PLEKHA5: variants seen among roughly 807,000 people sequenced by gnomAD.
PLEKHA5 encodes pleckstrin homology domain containing A5, also known as pleckstrin homology domain-containing family A member 5.
A neutral mutation model predicts 181.9 loss-of-function variants in PLEKHA5; 55 were observed. The observed-to-expected ratio is 0.30, with a 90% CI of 0.24 to 0.38. The LOEUF is 0.38. PLEKHA5 is among the 10% of genes least tolerant of loss of function. The pLI, the probability that PLEKHA5 is intolerant of heterozygous loss-of-function variation, is 1.00. For missense variants in PLEKHA5, 1,432 were observed against 1,549.5 expected, an observed-to-expected ratio of 0.92 and a Z score of 1.27; for synonymous variants, 535 against 529.4, an observed-to-expected ratio of 1.01 and a Z score of -0.15.
chr12:19,179,411 C>T (rs992291291), intron 3 of PLEKHA5, among the ~76,000 whole-genome samples: 2 of 152,102 alleles, frequency 1.3e-5, no homozygotes, highest in Non-Finnish European at 2.9e-5. Context: ...AATCCCAGCA[C>T]TTTGGGAGGC....
At chr12:19,161,516 G>A (rs541036593) in intron 3 of PLEKHA5, among the ~76,000 whole-genome samples, 2 of 152,000 alleles carry the variant, frequency 1.3e-5, no homozygotes, top group East Asian at 1.9e-4. Flanking sequence ...CCCCATCTCC[G>A]TGTCTCCACC....
In PLEKHA5 at chr12:19,314,836, T is replaced by G; in HGVS notation, c.2060T>G (p.Ile687Ser). 6.5e-7 allele frequency: 1 copy of G among 1,545,412 alleles called. No individual in the cohort carries two copies. ...TAGATGAAAGAAAATGAACCTATTATCACCATGGTTCACACAATGATTGAG... is the reference window on the plus strand; with the variant it reads ...TAGATGAAAGAAAATGAACCTATTAGCACCATGGTTCACACAATGATTGAG... ...DHQMKENEPI[I>S]TMVHTMIENS... is the part of the protein sequence containing the mutation. The change falls in exon 16 of 32, where the codon ATC becomes AGC. Residue 687 changes from isoleucine (I) to serine (S), a missense_variant. Around this residue, in one of 2 missense-constraint regions of PLEKHA5, gnomAD observed 1,143 missense variants for 1,168.4 expected, o/e 0.98. Transcript: ENST00000429027.
chr12:19,286,458 A>G (rs1262043303), intron 12 of PLEKHA5, among the ~76,000 whole-genome samples: 11 of 152,086 alleles, frequency 7.2e-5, no homozygotes, highest in Non-Finnish European at 1.5e-4. Flanking sequence ...TTTTCCAACT[A>G]TATATATTGA....
intron 30 of PLEKHA5, among the ~76,000 whole-genome samples, chr12:19,366,737 A>G (rs933816302): frequency 6.6e-6 from 1 of 152,162 alleles, no homozygotes; most frequent in African/African-American, 2.4e-5. Context: ...AGCCTGCCAC[A>G]TTGGGAACTG....
intron 3 of PLEKHA5, among the ~76,000 whole-genome samples, chr12:19,192,485 G>A (rs1347307064): frequency 1.3e-5 from 2 of 152,116 alleles, no homozygotes; most frequent in Non-Finnish European, 2.9e-5. Context: ...ATCACTTGAA[G>A]TCAGGAGTTC....
intron 3 of PLEKHA5, among the ~76,000 whole-genome samples, chr12:19,164,228 T>G (rs2043739322): frequency 7.2e-6 from 1 of 137,968 alleles, no homozygotes. Context: ...AGATGGAGTC[T>G]CTCTCTGTTG....
In PLEKHA5 at chr12:19,129,772, A is replaced by AGGC. The variant is rs746584375; in HGVS notation, c.-15_-13dup. The AGGC allele has an allele frequency of 2.6e-5, 39 of 1,528,150 alleles. No homozygotes were observed. The highest frequency in any genetic ancestry group is 9.9e-5 in the East Asian group (4 of 40,590). The allele number at this position is 1,528,150 out of a possible 1,614,324, so 94.7% of individuals were successfully genotyped here. A position where few individuals can be genotyped will look rare whatever the true frequency, so the allele number is the denominator to read the frequency against. On this transcript the variant is annotated 5_prime_UTR_variant, in exon 1 of 32. Transcript: ENST00000429027. ...CGGCAGCCGCGGCGGCAGCAGGAGA[A>AGGC]GGCGGCGGCGGCGGCTAGGGATCAG...
chr12:19,201,375 G>C (rs1005615458), intron 3 of PLEKHA5: 5 of 152,012 alleles, frequency 3.3e-5, no homozygotes, highest in African/African-American at 1.2e-4. Context: ...CTCAAACTCT[G>C]TTACACTAGT....
chr12:19,154,615 T>C (rs900171887), intron 3 of PLEKHA5: 20 of 152,244 alleles, frequency 1.3e-4, no homozygotes, highest in African/African-American at 4.8e-4. Flanking sequence ...TCATCTCTTA[T>C]TAGTGAGAAT....
intron 3 of PLEKHA5, among the ~76,000 whole-genome samples, chr12:19,181,979 TC>T (rs2048711648): frequency 1.3e-5 from 2 of 152,324 alleles, no homozygotes; most frequent in South Asian, 4.1e-4. Context: ...TGCTACATAG[TC>T]CTTGCTCTCA....
chr12:19,301,008 G>A (rs1233563632), intron 15 of PLEKHA5, among the ~76,000 whole-genome samples: 1 of 151,422 alleles, frequency 6.6e-6, no homozygotes. Context: ...AAATTAGCCT[G>A]GTGTGGTGGC....
At chr12:19,334,868 A>ATATATATATG (rs1279488392) in intron 20 of PLEKHA5, among the ~76,000 whole-genome samples, 1 of 52,496 alleles carries the variant, frequency 1.9e-5, no homozygotes, top group Non-Finnish European at 4.5e-5. Flanking sequence ...ATATATATAT[A>ATATATATATG]TCTCTGTATA....
rs140123762 is a variant in PLEKHA5, at chr12:19,232,407, T to G, written c.228-21533T>G. 5.9e-5 allele frequency among the ~76,000 whole-genome samples: 9 copies of G among 152,262 alleles called. No homozygotes were observed. The East Asian group carries it at 1.7e-3, about 29-fold the overall frequency. On this transcript the variant is annotated intron_variant, in intron 3 of 31. Coordinates refer to ENST00000429027, the MANE Select transcript of PLEKHA5 (RefSeq NM_001256470.2). ...TTCAGAAGGAGGAACTTGTGGCTACTAATCTCGTACAAGAAGTGGAAAGAA... is the reference window on the plus strand; with the variant it reads ...TTCAGAAGGAGGAACTTGTGGCTACGAATCTCGTACAAGAAGTGGAAAGAA...
intron 3 of PLEKHA5, among the ~76,000 whole-genome samples, chr12:19,250,150 A>G (rs764158517): frequency 5.9e-5 from 9 of 152,190 alleles, no homozygotes; most frequent in African/African-American, 1.2e-4. Flanking sequence ...GTCTAGACCT[A>G]TATATTAAAA....
intron 13 of PLEKHA5, among the ~76,000 whole-genome samples, chr12:19,289,999 A>G (rs761932077): frequency 2.0e-5 from 3 of 151,954 alleles, no homozygotes; most frequent in East Asian, 1.9e-4. Flanking sequence ...TTGGAATGCA[A>G]TGGCGTGATC....
chr12:19,370,877 G>A (rs2153321335), intron 31 of PLEKHA5: 1 of 151,788 alleles, frequency 6.6e-6, no homozygotes, highest in Non-Finnish European at 1.5e-5. Flanking sequence ...TTCTTATAGA[G>A]ACAGTCTTAC....
intron 11 of PLEKHA5, among the ~76,000 whole-genome samples, chr12:19,277,927 T>C (rs1485281254): frequency 1.3e-5 from 2 of 152,200 alleles, no homozygotes; most frequent in East Asian, 3.9e-4. Context: ...GAAAGGGCTT[T>C]TATGGTGCTT....
At chr12:19,346,895 T>C (rs1447708988) in intron 23 of PLEKHA5, 99 bp from the exon 24 acceptor site, 1 of 788,614 alleles carries the variant, frequency 1.3e-6, no homozygotes, top group Non-Finnish European at 1.9e-6. Flanking sequence ...CCTTTTAGTA[T>C]CTTAAAGTAA....
At chr12:19,304,335 G>A (rs1366822179) in intron 15 of PLEKHA5, among the ~76,000 whole-genome samples, 2 of 152,204 alleles carry the variant, frequency 1.3e-5, no homozygotes, top group African/African-American at 4.8e-5. Context: ...AACCAGGGAG[G>A]TGGAGGTTGC....
Sources: gnomAD v4.1 joint callset for allele counts (sites outside exome capture counted in the v4.1 genomes callset) on GRCh38, gnomAD v4.1.1 for gene constraint, gnomAD v4.1.1 regional missense constraint, MANE v1.5 for transcripts, NCBI Gene and HGNC (gene_info 2026-07-23, HGNC 2026-07-21) for gene names.